LRRC8D: variants seen among roughly 807,000 people sequenced by gnomAD.
LRRC8D encodes leucine rich repeat containing 8 VRAC subunit D.
In LRRC8D, 20 loss-of-function variants were observed where a neutral mutation model predicts 55.8. The observed-to-expected ratio is 0.36, with a 90% confidence interval of 0.25 to 0.52. The LOEUF is 0.52. Ranked by LOEUF, LRRC8D falls within the 20% of genes least tolerant of loss-of-function variation. LRRC8D has a pLI of 0.93. For missense variants in LRRC8D, 651 were observed against 1,030.8 expected (o/e 0.63, Z 5.05); for synonymous variants, 352 against 377.0 (o/e 0.93, Z 0.77).
chr1:89,850,170 C>G (rs1198246694), intron 2 of LRRC8D, among the ~76,000 whole-genome samples: 1 of 152,084 alleles, frequency 6.6e-6, no homozygotes, highest in African/African-American at 2.4e-5. Flanking sequence ...TTGGTGCTAC[C>G]CCTAGGATGT....
At chr1:89,922,454 G>C (rs1011971668) in intron 2 of LRRC8D, among the ~76,000 whole-genome samples, 11 of 152,212 alleles carry the variant, frequency 7.2e-5, no homozygotes, top group African/African-American at 2.7e-4. Flanking sequence ...ATTACTCTAT[G>C]TGCGTGGTGC....
At chr1:89,871,148 GC>G (rs1661997173) in intron 2 of LRRC8D, among the ~76,000 whole-genome samples, 1 of 152,182 alleles carries the variant, frequency 6.6e-6, no homozygotes, top group Non-Finnish European at 1.5e-5. Context: ...ATTTGCCACT[GC>G]TAGAAGGTAC....
chr1:89,918,617 G>T (rs546263718), intron 2 of LRRC8D, among the ~76,000 whole-genome samples: 21 of 152,304 alleles, frequency 1.4e-4, no homozygotes, highest in Middle Eastern at 3.4e-3. Flanking sequence ...CTTATCACCT[G>T]CCCTCTGCTT....
At chr1:89,884,833 C>G (rs1013755674) in intron 2 of LRRC8D, among the ~76,000 whole-genome samples, 4 of 152,310 alleles carry the variant, frequency 2.6e-5, no homozygotes, top group South Asian at 2.1e-4. Flanking sequence ...ATCTTGGCAT[C>G]AGGAACCTTT....
intron 2 of LRRC8D, among the ~76,000 whole-genome samples, chr1:89,918,542 A>G (rs2816843): frequency 0.3 from 45,953 of 152,126 alleles, 7,372 homozygotes; most frequent in African/African-American, 0.4. Flanking sequence ...CCTCTCTGCC[A>G]TTTTATATCA....
intron 2 of LRRC8D, among the ~76,000 whole-genome samples, chr1:89,909,581 G>A (rs908723512): frequency 2.0e-5 from 3 of 151,912 alleles, no homozygotes; most frequent in Admixed American, 6.6e-5. Context: ...TAAGAATTTA[G>A]TAGGGCCAGG....
chr1:89,823,373 C>A (rs1660686414), intron 1 of LRRC8D, among the ~76,000 whole-genome samples: 1 of 152,042 alleles, frequency 6.6e-6, no homozygotes, highest in South Asian at 2.1e-4. Context: ...AAAAACTAGG[C>A]CCCTTTTCCC....
Position 89,857,350 on chromosome 1 carries a change from C to G in LRRC8D, c.-3+13568C>G, listed in dbSNP as rs189582076. On this transcript the variant is annotated intron_variant, in intron 2 of 2. Transcript: ENST00000337338. ...TGAGCTGAGATCACACCATTGCATT[C>G]CAGCCTGGGCAACAAGAGCGAAACT... is the stretch of plus-strand genomic sequence containing the variant. 2.8e-3 allele frequency among the ~76,000 whole-genome samples: 412 copies of G among 145,388 alleles called. 7 individuals are homozygous for G. The highest frequency in any genetic ancestry group is 0.01 in the African/African-American group (389 of 38,552).
At chr1:89,921,840 G>A (rs755637496) in intron 2 of LRRC8D, among the ~76,000 whole-genome samples, 4 of 151,990 alleles carry the variant, frequency 2.6e-5, no homozygotes, top group East Asian at 1.9e-4. Flanking sequence ...CACTGCACCC[G>A]GCCAACTTTT....
intron 2 of LRRC8D, among the ~76,000 whole-genome samples, chr1:89,898,107 A>G (rs1366902844): frequency 1.3e-5 from 2 of 152,194 alleles, no homozygotes; most frequent in African/African-American, 4.8e-5. Context: ...CGATACTGAG[A>G]GGAAAAACCT....
chr1:89,929,250 G>A (rs1402084037), intron 2 of LRRC8D, among the ~76,000 whole-genome samples: 1 of 152,206 alleles, frequency 6.6e-6, no homozygotes, highest in African/African-American at 2.4e-5. Flanking sequence ...GATCAGGGAA[G>A]GCTTTCTGGA....
In LRRC8D at chr1:89,828,632, C is replaced by G. The variant is rs192360086; in HGVS notation, c.-148+7341C>G. Among the ~76,000 whole-genome samples, 480 of 152,168 alleles carry G rather than the reference C, an allele frequency of 3.2e-3. 3 individuals are homozygous for G. The highest frequency in any genetic ancestry group is 0.02 in the Middle Eastern group (6 of 294). On this transcript the variant is annotated intron_variant, in intron 1 of 2. Coordinates refer to ENST00000337338, the MANE Select transcript of LRRC8D (RefSeq NM_001134479.2). ...TTGACATTTTACTGGCCTGTGAAAT[C>G]AAAAGTCTGGGAACTACCACTCCTC... is the stretch of plus-strand genomic sequence containing the variant.
At position 89,864,390 on chromosome 1, in the gene LRRC8D, TC is replaced by T. The variant is rs1161687498; in HGVS notation, c.-3+20610del. Among the ~76,000 whole-genome samples the T allele has an allele frequency of 3.9e-5, 6 of 152,298 alleles. No individual in the cohort carries two copies. The East Asian group carries it at 1.2e-3, about 29-fold the overall frequency. Reference sequence around the variant, plus strand: ...TCAGTTTACAAGGAGTTGTAATTCTTCCTTCATCTGATGAAAGACACCACTA... The same window carrying T: ...TCAGTTTACAAGGAGTTGTAATTCTTCTTCATCTGATGAAAGACACCACTA... On this transcript the variant is annotated intron_variant, in intron 2 of 2. Coordinates refer to ENST00000337338, the MANE Select transcript of LRRC8D (RefSeq NM_001134479.2).
intron 2 of LRRC8D, among the ~76,000 whole-genome samples, chr1:89,898,409 T>G (rs561375002): frequency 6.6e-6 from 1 of 152,328 alleles, no homozygotes; most frequent in South Asian, 2.1e-4. Context: ...TGCTTGCCAA[T>G]CCTCGCAAAT....
Position 89,880,896 on chromosome 1 carries a change from AT to A in LRRC8D, c.-3+37115del, listed in dbSNP as rs530962644. 3.0e-4 allele frequency among the ~76,000 whole-genome samples: 46 copies of A among 152,294 alleles called. No individual in the cohort carries two copies. In the South Asian group the frequency reaches 9.3e-3, roughly 31 times the overall value. On this transcript the variant is annotated intron_variant, in intron 2 of 2. Coordinates refer to ENST00000337338, the MANE Select transcript of LRRC8D (RefSeq NM_001134479.2). ...GTGTACATATTACATAATATATGTA[AT>A]ACATAATATATTTATTACATAATAC...
At chr1:89,869,210 A>G (rs750713074) in intron 2 of LRRC8D, among the ~76,000 whole-genome samples, 1 of 152,120 alleles carries the variant, frequency 6.6e-6, no homozygotes, top group Non-Finnish European at 1.5e-5. Context: ...CCCAGCCAAC[A>G]CTGCGTTATT....
At chr1:89,859,743 A>G (rs1285011877) in intron 2 of LRRC8D, among the ~76,000 whole-genome samples, 1 of 152,138 alleles carries the variant, frequency 6.6e-6, no homozygotes, top group African/African-American at 2.4e-5. Context: ...TATGTTTCCT[A>G]ATCATTTGCT....
At chr1:89,833,099 A>C (rs1660923454) in intron 1 of LRRC8D, among the ~76,000 whole-genome samples, 1 of 152,218 alleles carries the variant, frequency 6.6e-6, no homozygotes, top group Non-Finnish European at 1.5e-5. Flanking sequence ...TTGCCCCTTG[A>C]ACTCTCTCAC....
chr1:89,839,172 C>A (rs1341063174), intron 1 of LRRC8D, among the ~76,000 whole-genome samples: 1 of 152,174 alleles, frequency 6.6e-6, no homozygotes, highest in Non-Finnish European at 1.5e-5. Context: ...ATCTGTGAGC[C>A]CTGCTGCTGC....
Sources: gnomAD v4.1 joint callset for allele counts (sites outside exome capture counted in the v4.1 genomes callset) on GRCh38, gnomAD v4.1.1 for gene constraint, MANE v1.5 for transcripts, NCBI Gene and HGNC (gene_info 2026-07-23, HGNC 2026-07-21) for gene names.